The following ADD3 variants were observed in gnomAD, a reference collection of about 807,000 sequenced individuals.
ADD3 encodes the protein gamma-adducin.
A neutral mutation model predicts 80.2 loss-of-function variants in ADD3; 25 were observed. The observed-to-expected ratio is 0.31, with a 90% confidence interval of 0.23 to 0.44. The LOEUF (loss-of-function observed/expected upper bound fraction) is 0.44. ADD3 is among the 20% of genes least tolerant of loss of function. The pLI is 1.00. For missense variants in ADD3, 829 were observed against 847.5 expected, an observed-to-expected ratio of 0.98 and a Z score of 0.27; for synonymous variants, 284 against 289.6, an observed-to-expected ratio of 0.98 and a Z score of 0.20.
rs1188566152 is a variant in ADD3, at chr10:110,133,769, A to G, written c.*151A>G. 6.9e-6 allele frequency: 4 copies of G among 583,162 alleles called. No homozygotes were observed. Among genetic ancestry groups the G allele is most frequent in the Non-Finnish European group, 1.1e-5 (4 of 368,390 alleles). The allele number at this position is 583,162 out of a possible 1,614,324, so 36.1% of individuals were successfully genotyped here. A position where few individuals can be genotyped will look rare whatever the true frequency, so the allele number is the denominator to read the frequency against. Reference sequence around the variant, plus strand: ...ACTGGAAAGAGGTTTTACAAAAGAAAAACTTTCAGATTCATCTCTCATTTT... The same window carrying G: ...ACTGGAAAGAGGTTTTACAAAAGAAGAACTTTCAGATTCATCTCTCATTTT... On this transcript the variant is annotated 3_prime_UTR_variant, in exon 15 of 15. Transcript: ENST00000356080.
At chr10:110,099,610 T>A (rs2133941999) in intron 1 of ADD3, among the ~76,000 whole-genome samples, 1 of 152,356 alleles carries the variant, frequency 6.6e-6, no homozygotes, top group Middle Eastern at 3.4e-3. Context: ...TATATTTGTA[T>A]GTGAATACAA....
rs577054334 is a variant in ADD3 at position 110,132,193 on chromosome 10, G to T, written c.1733-112G>T. 1.7e-4 allele frequency: 115 copies of T among 681,004 alleles called. No homozygotes were observed. The South Asian group carries it at 1.7e-3, about 10-fold the overall frequency. 42.2% of individuals were successfully genotyped at this position (681,004 alleles called of 1,614,324 possible). A position where few individuals can be genotyped will look rare whatever the true frequency, so the allele number is the denominator to read the frequency against. ...TTAGCATGCTCAGCTCACTGCTGAAGAATTTATCATCTCTTTGTATACAGG... is the reference window on the plus strand; with the variant it reads ...TTAGCATGCTCAGCTCACTGCTGAATAATTTATCATCTCTTTGTATACAGG... On this transcript the variant is annotated intron_variant, in intron 13 of 14. Transcript: ENST00000356080.
chr10:110,062,812 A>G (rs1589937694), intron 1 of ADD3, among the ~76,000 whole-genome samples: 1 of 152,338 alleles, frequency 6.6e-6, no homozygotes, highest in South Asian at 2.1e-4. Context: ...AAACTATGAG[A>G]TAAAACAGTA....
chr10:110,021,615 C>G (rs552052713), intron 1 of ADD3, among the ~76,000 whole-genome samples: 1 of 152,098 alleles, frequency 6.6e-6, no homozygotes, highest in Non-Finnish European at 1.5e-5. Flanking sequence ...TACACAAGGC[C>G]ACATATTATA....
At chr10:110,091,748 G>C (rs1847542642) in intron 1 of ADD3, among the ~76,000 whole-genome samples, 1 of 152,056 alleles carries the variant, frequency 6.6e-6, no homozygotes, top group African/African-American at 2.4e-5. Context: ...AAATAAACTA[G>C]TATGACATAA....
chr10:110,075,479 A>C (rs1845285232), intron 1 of ADD3: 1 of 152,220 alleles, frequency 6.6e-6, no homozygotes, highest in South Asian at 2.1e-4. Flanking sequence ...CTGAATGTGC[A>C]GTATCAATTT....
rs1212726107 is a variant in ADD3, at chr10:110,134,442, G to C, written c.*824G>C. 1 of 152,502 alleles carries C rather than the reference G, an allele frequency of 6.6e-6. No individual in the cohort carries two copies. Among genetic ancestry groups the C allele is most frequent in the Non-Finnish European group, 1.5e-5 (1 of 67,998 alleles). The allele number at this position is 152,502 out of a possible 1,614,324, so 9.4% of individuals were successfully genotyped here. A position where few individuals can be genotyped will look rare whatever the true frequency, so the allele number is the denominator to read the frequency against. On this transcript the variant is annotated 3_prime_UTR_variant, in exon 15 of 15. Transcript: ENST00000356080. The stretch of plus-strand genomic sequence containing the variant: ...AGTAGAGCATACTTAAGGCTGCTTG[G>C]TACTGAGTATACTTAAATATAACTC...
intron 1 of ADD3, among the ~76,000 whole-genome samples, chr10:110,043,799 CTG>C (rs1398819378): frequency 8.5e-5 from 13 of 152,138 alleles, no homozygotes; most frequent in African/African-American, 2.4e-4. Flanking sequence ...AGAAGATACA[CTG>C]TGTGGTTAAA....
At chr10:110,044,121 G>A (rs1480615591) in intron 1 of ADD3, among the ~76,000 whole-genome samples, 1 of 152,174 alleles carries the variant, frequency 6.6e-6, no homozygotes, top group Non-Finnish European at 1.5e-5. Context: ...GAGATCGCTT[G>A]AACCTGGGAG....
intron 1 of ADD3, among the ~76,000 whole-genome samples, chr10:110,099,203 A>T (rs1334362314): frequency 6.6e-6 from 1 of 151,434 alleles, no homozygotes; most frequent in African/African-American, 2.4e-5. Flanking sequence ...TGCTGGGATT[A>T]TAAGCATGAG....
At chr10:110,117,246 C>G (rs2134098918) in intron 4 of ADD3, 96 bp from the exon 5 acceptor site, 2 of 590,794 alleles carry the variant, frequency 3.4e-6, no homozygotes, top group East Asian at 3.0e-5. Context: ...TTTTCCTGAT[C>G]TCTTACAATT....
intron 4 of ADD3, 64 bp downstream of exon 4, chr10:110,116,474 C>T: frequency 6.5e-7 from 1 of 1,532,130 alleles, no homozygotes; most frequent in South Asian, 1.2e-5. Context: ...CTATACTCTT[C>T]TTACCTTTAC....
intron 6 of ADD3, 66 bp downstream of exon 6, chr10:110,118,802 A>G: frequency 6.8e-7 from 1 of 1,478,310 alleles, no homozygotes; most frequent in Non-Finnish European, 9.3e-7. Context: ...GGCTTTCTCA[A>G]CAGGATGCTT....
chr10:110,123,775 G>A (rs1422306226), intron 9 of ADD3: 8 of 468,812 alleles, frequency 1.7e-5, no homozygotes, highest in South Asian at 8.3e-5. Context: ...TTCGTTTGTC[G>A]GGAACAGTTG....
chr10:110,119,926 A>G (rs74969877), intron 8 of ADD3, among the ~76,000 whole-genome samples: 3,550 of 152,316 alleles, frequency 0.023, 51 homozygotes, highest in Non-Finnish European at 0.035. Context: ...ACTTTTGTAA[A>G]AAGTTTGACT....
chr10:110,086,345 G>A (rs748204413), intron 1 of ADD3, among the ~76,000 whole-genome samples: 2 of 145,902 alleles, frequency 1.4e-5, no homozygotes, highest in Non-Finnish European at 3.0e-5. Context: ...AGAAGGTAGA[G>A]GTTGCAGTGA....
intron 1 of ADD3, among the ~76,000 whole-genome samples, chr10:110,044,009 C>T (rs7095265): frequency 0.12 from 18,904 of 152,032 alleles, 3,759 homozygotes; most frequent in African/African-American, 0.42. Flanking sequence ...GAGTTCAAGA[C>T]CAGTCTGACC....
chr10:110,112,086 CTG>C (rs1326238102), intron 2 of ADD3: 1 of 151,856 alleles, frequency 6.6e-6, no homozygotes, highest in East Asian at 1.9e-4. Context: ...TTGAATCACT[CTG>C]TATTCAAAGT....
At chr10:110,115,350 T>TTGCACTCA (rs2134081124) in intron 3 of ADD3, among the ~76,000 whole-genome samples, 1 of 151,958 alleles carries the variant, frequency 6.6e-6, no homozygotes, top group South Asian at 2.1e-4. Context: ...GATCGTACCA[T>TTGCACTCA]TGCACTCAAA....
Sources: allele counts gnomAD v4.1 joint callset (sites outside exome capture counted in the v4.1 genomes callset), GRCh38; gene constraint gnomAD v4.1.1; transcripts MANE v1.5; gene names NCBI Gene and HGNC (gene_info 2026-07-23, HGNC 2026-07-21).